NTRK2: variants seen among roughly 807,000 people sequenced by gnomAD.
NTRK2 encodes neurotrophic receptor tyrosine kinase 2, also known as BDNF/NT-3 growth factors receptor.
A neutral mutation model predicts 94.5 loss-of-function variants in NTRK2; 13 were observed. The ratio of observed to expected loss-of-function variants is 0.14; its 90% CI spans 0.09 to 0.22. The LOEUF is 0.22. Among genes scored for constraint, NTRK2 ranks in the 10% least tolerant of loss-of-function variants. The pLI, the probability that NTRK2 is intolerant of heterozygous loss-of-function variation, is 1.00. For synonymous variants in NTRK2, 372 were observed against 407.4 expected (o/e 0.91, Z 1.05); for missense variants, 639 against 1,071.2 (o/e 0.60, Z 5.63).
At chr9:84,722,007 A>G (rs2062095734) in intron 6 of NTRK2, among the ~76,000 whole-genome samples, 1 of 152,192 alleles carries the variant, frequency 6.6e-6, no homozygotes, top group Non-Finnish European at 1.5e-5. Flanking sequence ...TAATTGTCAT[A>G]GAAGTTGTGA....
At chr9:84,833,680 T>A (rs1462692848) in intron 12 of NTRK2, among the ~76,000 whole-genome samples, 4 of 152,088 alleles carry the variant, frequency 2.6e-5, no homozygotes, top group Non-Finnish European at 5.9e-5. Context: ...GGATCACTCC[T>A]ATAGATACTA....
intron 9 of NTRK2, among the ~76,000 whole-genome samples, chr9:84,738,749 T>C (rs1057202087): frequency 9.8e-5 from 15 of 152,298 alleles, no homozygotes; most frequent in African/African-American, 3.4e-4. Context: ...TGAGTAGACC[T>C]TTGTCAGACA....
In NTRK2 at chr9:84,811,500, G is replaced by A. The variant is rs532536786; in HGVS notation, c.1397-49540G>A. ...TCCACCTGCTTTTTAGAAGTCTGCC[G>A]AGTGAGAAGGCCACAGTATCTCATG... is the stretch of plus-strand genomic sequence containing the variant. On this transcript the variant is annotated intron_variant, in intron 12 of 18. Transcript: ENST00000277120. 15 of 1,065,384 alleles carry A rather than the reference G, an allele frequency of 1.4e-5. 1 individual carries two copies. The highest frequency in any genetic ancestry group is 8.3e-4 in the Middle Eastern group (2 of 2,406). 66.0% of individuals were successfully genotyped at this position (1,065,384 alleles called of 1,614,324 possible).
intron 12 of NTRK2, among the ~76,000 whole-genome samples, chr9:84,791,948 A>G (rs1262903518): frequency 1.3e-5 from 2 of 152,230 alleles, no homozygotes; most frequent in Non-Finnish European, 2.9e-5. Context: ...GTCAATGAGC[A>G]GACAGGCATT....
In NTRK2 at chr9:84,810,734, C is replaced by T. The variant is rs183923822; in HGVS notation, c.1397-50306C>T. On this transcript the variant is annotated intron_variant, in intron 12 of 18. Coordinates refer to ENST00000277120, the MANE Select transcript of NTRK2 (RefSeq NM_006180.6). ...ATGTGGGCGGTGTTTGGAGGCTGTA[C>T]TATATGAAGCCTGCATATACTGTGA... 286 of 1,530,540 alleles carry T rather than the reference C, an allele frequency of 1.9e-4. 2 individuals are homozygous for T. In the African/African-American group the frequency reaches 3.6e-3, roughly 19 times the overall value. The allele number at this position is 1,530,540 out of a possible 1,614,324, so 94.8% of individuals were successfully genotyped here.
At chr9:84,889,296 C>A (rs2076527035) in intron 14 of NTRK2, among the ~76,000 whole-genome samples, 1 of 152,012 alleles carries the variant, frequency 6.6e-6, no homozygotes, top group South Asian at 2.1e-4. Flanking sequence ...GGCCCAATGA[C>A]AGCAATTTTT....
chr9:84,912,722 C>A (rs980612033), intron 14 of NTRK2, among the ~76,000 whole-genome samples: 1 of 150,810 alleles, frequency 6.6e-6, no homozygotes, highest in African/African-American at 2.4e-5. Flanking sequence ...CGGGTTCATG[C>A]CATTCTCCTG....
Position 84,955,179 on chromosome 9 carries a change from G to A in NTRK2, c.1938-104G>A. The A allele has an allele frequency of 1.4e-5, 12 of 884,764 alleles. No individual in the cohort carries two copies. The South Asian group carries it at 1.7e-4, about 13-fold the overall frequency. The allele number at this position is 884,764 out of a possible 1,614,324, so 54.8% of individuals were successfully genotyped here. A position where few individuals can be genotyped will look rare whatever the true frequency, so the allele number is the denominator to read the frequency against. On this transcript the variant is annotated intron_variant, in intron 16 of 18. Coordinates refer to ENST00000277120, the MANE Select transcript of NTRK2 (RefSeq NM_006180.6). ...CTTTTAGCACCAGCAGCTACAGGGT[G>A]GGGGTGAGGAGCTTAGCAAGAGGGA...
At chr9:84,767,551 T>A (rs968998240) in intron 12 of NTRK2, among the ~76,000 whole-genome samples, 1 of 152,204 alleles carries the variant, frequency 6.6e-6, no homozygotes, top group African/African-American at 2.4e-5. Flanking sequence ...ATAGTGGAGA[T>A]CTAATTATCC....
chr9:84,844,183 A>T (rs1189069389), intron 12 of NTRK2, among the ~76,000 whole-genome samples: 1 of 152,218 alleles, frequency 6.6e-6, no homozygotes, highest in Non-Finnish European at 1.5e-5. Flanking sequence ...CAGCTGCAGC[A>T]TGGCGGATGG....
chr9:84,889,651 G>C (rs2076538094), intron 14 of NTRK2, among the ~76,000 whole-genome samples: 1 of 152,104 alleles, frequency 6.6e-6, no homozygotes, highest in Non-Finnish European at 1.5e-5. Context: ...GGCCTCAAAT[G>C]GTCAGCCAAA....
In NTRK2 at chr9:84,947,789, T is replaced by C. The variant is rs546769350; in HGVS notation, c.1765-673T>C. 7.6e-4 allele frequency among the ~76,000 whole-genome samples: 116 copies of C among 152,360 alleles called. 1 individual carries two copies. Among genetic ancestry groups the C allele is most frequent in the African/African-American group, 2.8e-3 (115 of 41,576 alleles). On this transcript the variant is annotated intron_variant, in intron 15 of 18. Transcript: ENST00000277120. ...ACATGCCAAGAGCTCAGCACATTAT[T>C]TGCATCACTAAATGCCAGCTTTGCC...
chr9:84,744,797 C>T (rs137986708), intron 10 of NTRK2, among the ~76,000 whole-genome samples, 176 bp from the exon 11 acceptor site: 18 of 152,206 alleles, frequency 1.2e-4, no homozygotes, highest in East Asian at 1.9e-4. Flanking sequence ...GCAGTCTCAG[C>T]GCTGCAGTGC....
intron 14 of NTRK2, among the ~76,000 whole-genome samples, chr9:84,893,359 G>T (rs1317036861): frequency 2.0e-5 from 3 of 152,178 alleles, no homozygotes; most frequent in Non-Finnish European, 4.4e-5. Flanking sequence ...ACCTCTTTGT[G>T]CTGGATCCAG....
chr9:84,907,747 TA>T (rs1182711320), intron 14 of NTRK2, among the ~76,000 whole-genome samples: 63 of 151,722 alleles, frequency 4.2e-4, no homozygotes, highest in African/African-American at 1.4e-3. Context: ...AGATCTGATA[TA>T]AATAAAGGTG....
intron 14 of NTRK2, chr9:84,872,185 T>C: frequency 8.7e-7 from 1 of 1,155,994 alleles, no homozygotes; most frequent in Non-Finnish European, 1.1e-6. Flanking sequence ...ACGGGGTGGT[T>C]TCCCAGTAAA....
At chr9:85,017,804 T>A (rs1282012013) in intron 17 of NTRK2, among the ~76,000 whole-genome samples, 2 of 152,218 alleles carry the variant, frequency 1.3e-5, no homozygotes, top group Non-Finnish European at 2.9e-5. Flanking sequence ...AAGCCCACTT[T>A]GACCACTGGG....
In NTRK2 at chr9:85,017,253, G is replaced by A. The variant is rs182340225; in HGVS notation, c.2173-2953G>A. Among the ~76,000 whole-genome samples the A allele has an allele frequency of 1.2e-3, 183 of 152,260 alleles. 1 individual carries two copies. The highest frequency in any genetic ancestry group is 3.9e-3 in the African/African-American group (162 of 41,538). Reference sequence around the variant, plus strand: ...AAAAGCATTAATACTTTAAGACTTAGAAAACACTTTCACAAATGCCTGCTT... The same window carrying A: ...AAAAGCATTAATACTTTAAGACTTAAAAAACACTTTCACAAATGCCTGCTT... On this transcript the variant is annotated intron_variant, in intron 17 of 18. Coordinates refer to ENST00000277120, the MANE Select transcript of NTRK2 (RefSeq NM_006180.6).
At chr9:85,012,440 TC>T (rs1831723091) in intron 17 of NTRK2, among the ~76,000 whole-genome samples, 1 of 152,186 alleles carries the variant, frequency 6.6e-6, no homozygotes, top group Non-Finnish European at 1.5e-5. Flanking sequence ...CCTTTAGGCT[TC>T]CTGTGTGCCT....
Sources: allele counts gnomAD v4.1 joint callset (sites outside exome capture counted in the v4.1 genomes callset), GRCh38; gene constraint gnomAD v4.1.1; transcripts MANE v1.5; gene names NCBI Gene and HGNC (gene_info 2026-07-23, HGNC 2026-07-21).